PMEL: variants seen among roughly 807,000 people sequenced by gnomAD.
PMEL encodes the protein premelanosome protein.
In PMEL, 53 loss-of-function variants were observed where a neutral mutation model predicts 64.9. The observed-to-expected ratio is 0.82, with a 90% CI of 0.66 to 1.03. The LOEUF (loss-of-function observed/expected upper bound fraction) is 1.03, where lower values mean the gene tolerates loss of function less well. Ranked by LOEUF, PMEL falls within the 50% of genes least tolerant of loss-of-function variation. The pLI, the probability that PMEL is intolerant of heterozygous loss-of-function variation, is 0.00. For synonymous variants in PMEL, 299 were observed against 316.2 expected (o/e 0.95, Z 0.58); for missense variants, 716 against 814.9 (o/e 0.88, Z 1.48).
chr12:55,958,152 T>C lies in PMEL; in HGVS notation c.470-68A>G, dbSNP rs576670723. 2.0e-6 allele frequency: 3 copies of C among 1,524,914 alleles called. No homozygotes were observed. In the East Asian group the frequency reaches 6.8e-5, roughly 34 times the overall value. 94.5% of individuals were successfully genotyped at this position (1,524,914 alleles called of 1,614,324 possible). On this transcript the variant is annotated intron_variant, in intron 4 of 10. Transcript: ENST00000548747. ...GTCAAAGGGGACTGAGGGACAGGCT[T>C]CGAAACGGCACTGGAGATGGGAGGT... is the stretch of plus-strand genomic sequence containing the variant.
In PMEL at chr12:55,955,469, A is replaced by T. The variant is rs760896425; in HGVS notation, c.1757T>A (p.Met586Lys). 2 of 1,613,984 alleles carry T rather than the reference A, an allele frequency of 1.2e-6. No individual in the cohort carries two copies. The highest frequency in any genetic ancestry group is 2.7e-5 in the African/African-American group (2 of 74,918). Residue 586 changes from methionine to lysine, a missense_variant, in exon 9 of 11, where the codon ATG (methionine) becomes AAG (lysine). Physicochemically the swap from Met to Lys is moderately conservative, Grantham distance 95 (BLOSUM62 -1). Transcript: ENST00000548747. ...SLAVVSTQLI[M>K]PGQEAGLGQV... is the part of the protein sequence containing the mutation. ...GCTCTTGTCCAAGGACCTACCAGGC[A>T]TGATAAGCTGGGTGCTGACCACTGC...
intron 3 of PMEL, among the ~76,000 whole-genome samples, chr12:55,960,018 C>T (rs976447056): frequency 1.3e-5 from 2 of 151,678 alleles, no homozygotes; most frequent in Non-Finnish European, 2.9e-5. Flanking sequence ...GGTGAAACCC[C>T]GTCTCTACTA....
At chr12:55,966,599 C>T (rs1266822649), upstream of PMEL, 2 of 872,896 alleles carry the variant, frequency 2.3e-6, no homozygotes, top group Non-Finnish European at 2.8e-6. Context: ...AAACTTGGAC[C>T]CAAAGCAGGT....
At chr12:55,956,487 G>A (rs1003107934) in intron 6 of PMEL, 4 of 415,136 alleles carry the variant, frequency 9.6e-6, no homozygotes, top group Non-Finnish European at 1.7e-5. Context: ...CACTATGTCA[G>A]GTCCTAGGCT....
Position 55,956,582 on chromosome 12 carries a change from A to G in PMEL, c.1355-363T>C, listed in dbSNP as rs1592766498. The G allele has an allele frequency of 1.3e-5, 4 of 313,730 alleles. No individual in the cohort carries two copies. The East Asian group carries it at 2.4e-4, about 19-fold the overall frequency. 19.4% of individuals were successfully genotyped at this position (313,730 alleles called of 1,614,324 possible). A position where few individuals can be genotyped will look rare whatever the true frequency, so the allele number is the denominator to read the frequency against. ...TTGGGATGGGAATCCAGGGTTGGGA[A>G]ATGGAAGGATCAGGATCTCGGAATC... On this transcript the variant is annotated intron_variant, in intron 6 of 10. Coordinates refer to ENST00000548747, the MANE Select transcript of PMEL (RefSeq NM_001384361.1).
At chr12:55,960,227 A>G (rs1889048518) in intron 3 of PMEL, among the ~76,000 whole-genome samples, 1 of 138,318 alleles carries the variant, frequency 7.2e-6, no homozygotes. Flanking sequence ...AAAAAAAAAG[A>G]AAAGAAAAGA....
In PMEL at chr12:55,957,463, G is replaced by GT; in HGVS notation, c.839dup (p.Tyr280Ter). 1.9e-6 allele frequency: 3 copies of GT among 1,613,908 alleles called. No homozygotes were observed. The highest frequency in any genetic ancestry group is 2.5e-6 in the Non-Finnish European group (3 of 1,179,928). ...GGGCAGTGACTGGGCCAGGCTCCAG[G>GT]TAAGTATGAGTGACCACAAGTGCCC... ...ISRALVVTHT[Y>*]LEPGPVTAQV... Residue 280 changes from tyrosine (Y) to a stop codon, truncating the protein, a stop_gained and frameshift_variant, in exon 6 of 11, where the codon TAC becomes TAAC. Coordinates refer to ENST00000548747, the MANE Select transcript of PMEL (RefSeq NM_001384361.1). LOFTEE classifies it high-confidence loss of function.
At chr12:55,961,866 C>T (rs1019090652) in intron 1 of PMEL, 134 bp from the exon 2 acceptor site, 40 of 582,398 alleles carry the variant, frequency 6.9e-5, no homozygotes, top group Non-Finnish European at 9.5e-5. Flanking sequence ...GATGGAGTTT[C>T]GCTCTTGTTG....
At chr12:55,963,879 C>T (rs928760521) in intron 1 of PMEL, among the ~76,000 whole-genome samples, 1 of 151,428 alleles carries the variant, frequency 6.6e-6, no homozygotes, top group East Asian at 1.9e-4. Context: ...TCTCCCCTCC[C>T]CTTCCCTCCC....
intron 1 of PMEL, among the ~76,000 whole-genome samples, chr12:55,963,859 C>A (rs1225118021): frequency 6.6e-6 from 1 of 152,010 alleles, no homozygotes; most frequent in Non-Finnish European, 1.5e-5. Context: ...CCCTTTCCTG[C>A]AGAAACCTCT....
At chr12:55,966,093 G>A, upstream of PMEL, 1 of 1,605,914 alleles carries the variant, frequency 6.2e-7, no homozygotes, top group Non-Finnish European at 8.5e-7. Context: ...CATTTGCATA[G>A]CCCTTCCTCT....
chr12:55,964,515 A>G (rs1399981283), intron 1 of PMEL, among the ~76,000 whole-genome samples: 2 of 152,180 alleles, frequency 1.3e-5, no homozygotes, highest in African/African-American at 2.4e-5. Flanking sequence ...TATGTTGCTC[A>G]GGCTGGTCTT....
chr12:55,966,526 A>C, upstream of PMEL: 1 of 302,528 alleles, frequency 3.3e-6, no homozygotes, highest in Non-Finnish European at 5.1e-6. Flanking sequence ...TATTTTCCCC[A>C]GGATTGGTGA....
rs1345105837 is a variant in PMEL at position 55,955,322 on chromosome 12, C to T, written c.1802G>A (p.Gly601Asp). ...CACAGCCATCAACACCAGCAAGATG[C>T]CCACGATCAGCGGAACCTGCCCAAG... ...AGLGQVPLIV[G>D]ILLVLMAVVL... The change falls in exon 10 of 11, where the codon GGC (glycine) becomes GAC (aspartate). Residue 601 changes from glycine (G) to aspartate (D), a missense_variant. Physicochemically the swap from Gly to Asp is moderately conservative, Grantham distance 94 (BLOSUM62 -1). Coordinates refer to ENST00000548747, the MANE Select transcript of PMEL (RefSeq NM_001384361.1). 3.7e-6 allele frequency: 6 copies of T among 1,614,030 alleles called. No individual in the cohort carries two copies. Among genetic ancestry groups the T allele is most frequent in the Non-Finnish European group, 5.1e-6 (6 of 1,180,014 alleles).
chr12:55,955,536 TC>T lies in PMEL; in HGVS notation c.1689del (p.Thr564HisfsTer35). The T allele has an allele frequency of 6.2e-7, 1 of 1,614,118 alleles. No homozygotes were observed. The highest frequency in any genetic ancestry group is 8.5e-7 in the Non-Finnish European group (1 of 1,180,018). ...VLHQILKGGS[G>X]TYCLNVSLAD... Reference sequence around the variant, plus strand: ...GCCAGAGACACATTGAGGCAGTATGTCCCCGAGCCACCCTTCAGTATCTGGT... The same window carrying T: ...GCCAGAGACACATTGAGGCAGTATGTCCCGAGCCACCCTTCAGTATCTGGT... On this transcript the variant is annotated frameshift_variant, in exon 9 of 11. Coordinates refer to ENST00000548747, the MANE Select transcript of PMEL (RefSeq NM_001384361.1). LOFTEE classifies it high-confidence loss of function.
In PMEL at chr12:55,965,967, T is replaced by TA; in HGVS notation, c.44dup (p.Gly16ArgfsTer44). On this transcript the variant is annotated frameshift_variant, in exon 1 of 11. Coordinates refer to ENST00000548747, the MANE Select transcript of PMEL (RefSeq NM_001384361.1). LOFTEE classifies it high-confidence loss of function. The stretch of plus-strand genomic sequence containing the variant: ...TAGCCCCCACAGCCAGCAAAGCACC[T>TA]ATCACAGCCAAATGAAGAAGGCATC... 6.2e-7 allele frequency: 1 copy of TA among 1,614,196 alleles called. No homozygotes were observed. Among genetic ancestry groups the TA allele is most frequent in the Non-Finnish European group, 8.5e-7 (1 of 1,180,030 alleles).
chr12:55,966,570 G>T, upstream of PMEL: 1 of 520,818 alleles, frequency 1.9e-6, no homozygotes. Context: ...AATCCCTACA[G>T]ACTAGAGACA....
upstream of PMEL, chr12:55,966,662 C>G (rs1889313328): frequency 4.7e-6 from 5 of 1,071,524 alleles, no homozygotes; most frequent in South Asian, 9.2e-5. Flanking sequence ...GTCTAGCCCC[C>G]AAGAACCAAA....
intron 3 of PMEL, 77 bp downstream of exon 3, chr12:55,961,240 G>A: frequency 7.6e-7 from 1 of 1,324,072 alleles, no homozygotes. Flanking sequence ...AGAAGGAAGG[G>A]GCATTCCCTG....
Sources: gnomAD v4.1 joint callset for allele counts (sites outside exome capture counted in the v4.1 genomes callset) on GRCh38, gnomAD v4.1.1 for gene constraint, MANE v1.5 for transcripts, NCBI Gene and HGNC (gene_info 2026-07-23, HGNC 2026-07-21) for gene names.